The following PDE11A variants were observed in gnomAD, a reference collection of about 807,000 sequenced individuals.
The protein encoded by PDE11A is phosphodiesterase 11A.
In PDE11A, 100 loss-of-function variants were observed where a neutral mutation model predicts 100.5. The observed-to-expected ratio is 1.00, with a 90% CI of 0.85 to 1.18. The LOEUF (loss-of-function observed/expected upper bound fraction) is 1.18, where lower values mean the gene tolerates loss of function less well. Among genes scored for constraint, PDE11A ranks in the 50% most tolerant of loss-of-function variants. PDE11A has a pLI of 0.00. For synonymous variants in PDE11A, 381 were observed against 420.8 expected, an observed-to-expected ratio of 0.91 and a Z score of 1.16; for missense variants, 1,141 against 1,152.6, an observed-to-expected ratio of 0.99 and a Z score of 0.15.
rs143305000 is a variant in PDE11A at position 177,662,132 on chromosome 2, A to G, written c.2646+1734T>C. Among the ~76,000 whole-genome samples the G allele has an allele frequency of 2.8e-3, 422 of 152,334 alleles. 1 individual carries two copies. Among genetic ancestry groups the G allele is most frequent in the Middle Eastern group, 0.01 (3 of 294 alleles). ...TTAAATTCAAGTAACTTCCTTTGTA[A>G]CCTAAAGATTTCAAAGCATTTAATA... On this transcript the variant is annotated intron_variant, in intron 19 of 19. Coordinates refer to ENST00000286063, the MANE Select transcript of PDE11A (RefSeq NM_016953.4).
In PDE11A at chr2:177,985,900, T is replaced by TA. The variant is rs918784803; in HGVS notation, c.1071+28401dup. ...ATGTTGCAGAAGGGTGGAATTGCCCTAAAAAACATAAGCCAAAGTGATCTT... is the reference window on the plus strand; with the variant it reads ...ATGTTGCAGAAGGGTGGAATTGCCCTAAAAAAACATAAGCCAAAGTGATCTT... On this transcript the variant is annotated intron_variant, in intron 2 of 19. Coordinates refer to ENST00000286063, the MANE Select transcript of PDE11A (RefSeq NM_016953.4). Among the ~76,000 whole-genome samples, 43 of 152,338 alleles carry TA rather than the reference T, an allele frequency of 2.8e-4. No individual in the cohort carries two copies. In the South Asian group the frequency reaches 4.1e-3, roughly 15 times the overall value.
intron 1 of PDE11A, among the ~76,000 whole-genome samples, chr2:178,069,779 C>A (rs2087101383): frequency 6.6e-6 from 1 of 151,994 alleles, no homozygotes; most frequent in Non-Finnish European, 1.5e-5. Flanking sequence ...GTTGAAGAGG[C>A]TAAGAATTAT....
chr2:177,697,224 A>G, intron 15 of PDE11A, 108 bp downstream of exon 15: 1 of 730,710 alleles, frequency 1.4e-6, no homozygotes, highest in Admixed American at 1.8e-5. Flanking sequence ...TAGCTGGTTT[A>G]CACATTGATA....
chr2:177,758,164 G>A (rs1479275789), intron 10 of PDE11A, among the ~76,000 whole-genome samples: 1 of 151,426 alleles, frequency 6.6e-6, no homozygotes, highest in Non-Finnish European at 1.5e-5. Flanking sequence ...AGGCATGGTG[G>A]CAGGCGCCTG....
At chr2:177,869,710 C>T (rs2084095862) in intron 5 of PDE11A, among the ~76,000 whole-genome samples, 1 of 152,050 alleles carries the variant, frequency 6.6e-6, no homozygotes, top group Non-Finnish European at 1.5e-5. Context: ...CATTCTGCCT[C>T]CCACACTTAG....
intron 5 of PDE11A, among the ~76,000 whole-genome samples, chr2:177,855,578 G>A (rs918269062): frequency 6.6e-6 from 1 of 152,010 alleles, no homozygotes; most frequent in African/African-American, 2.4e-5. Flanking sequence ...GGAAGAATGA[G>A]TTTGGAACTC....
intron 2 of PDE11A, among the ~76,000 whole-genome samples, chr2:177,922,241 T>G (rs1489456990): frequency 2.8e-4 from 43 of 152,094 alleles, no homozygotes; most frequent in Non-Finnish European, 2.8e-4. Context: ...CCAAGATCTG[T>G]GTGTATCCAA....
At chr2:178,091,370 C>T (rs62176004) in intron 2 of PDE11A, among the ~76,000 whole-genome samples, 1,569 of 152,214 alleles carry the variant, frequency 0.01, 41 homozygotes, top group Non-Finnish European at 1.0e-2. Context: ...TGCACCTAGC[C>T]CACTAATATC....
intron 4 of PDE11A, among the ~76,000 whole-genome samples, chr2:177,876,279 G>GTCTTGAATTCCTCACCCCAGATGA (rs1231630039): frequency 6.6e-6 from 1 of 150,536 alleles, no homozygotes; most frequent in African/African-American, 2.5e-5. Flanking sequence ...AAGAGACCCA[G>GTCTTGAATTCCTCACCCCAGATGA]GTAGGGACAG....
intron 9 of PDE11A, among the ~76,000 whole-genome samples, chr2:177,814,914 T>G (rs1946813): frequency 0.41 from 61,649 of 151,946 alleles, 14,333 homozygotes; most frequent in African/African-American, 0.64. Context: ...CCATTCATGC[T>G]GCAACGCAGT....
At position 177,624,721 on chromosome 2, in the gene PDE11A, C is replaced by T. The variant is rs752018016; in HGVS notation, c.*4686G>A. On this transcript the variant is annotated 3_prime_UTR_variant, in exon 20 of 20. Transcript: ENST00000286063. ...AAATTCACTTCTAAATTAATGACTA[C>T]CATTTATGGGATATGTGTGATATCA... is the stretch of plus-strand genomic sequence containing the variant. The T allele has an allele frequency of 1.3e-4, 20 of 152,122 alleles. No individual in the cohort carries two copies. Among genetic ancestry groups the T allele is most frequent in the Non-Finnish European group, 2.1e-4 (14 of 68,020 alleles). The allele number at this position is 152,122 out of a possible 1,614,324, so 9.4% of individuals were successfully genotyped here.
intron 9 of PDE11A, among the ~76,000 whole-genome samples, chr2:177,785,459 G>A (rs1028568477): frequency 5.3e-5 from 8 of 152,366 alleles, no homozygotes; most frequent in Middle Eastern, 3.4e-3. Flanking sequence ...CATGAGCGAC[G>A]CAGAAGACGG....
chr2:177,899,125 TG>T (rs1237877971), intron 3 of PDE11A, among the ~76,000 whole-genome samples: 4 of 152,162 alleles, frequency 2.6e-5, no homozygotes, highest in African/African-American at 9.6e-5. Context: ...CCCAATATTT[TG>T]GCCGGGCGCA....
chr2:177,918,375 A>C (rs1209204827), intron 2 of PDE11A, among the ~76,000 whole-genome samples: 1 of 152,158 alleles, frequency 6.6e-6, no homozygotes, highest in Non-Finnish European at 1.5e-5. Flanking sequence ...CTTTCTCTTC[A>C]TGGTTCAGCT....
intron 10 of PDE11A, among the ~76,000 whole-genome samples, chr2:177,737,150 G>C (rs2081797163): frequency 6.6e-6 from 1 of 152,182 alleles, no homozygotes; most frequent in South Asian, 2.1e-4. Flanking sequence ...TGAGGCAGGA[G>C]AATCGCTTTA....
At chr2:177,852,118 A>G (rs975364800) in intron 5 of PDE11A, among the ~76,000 whole-genome samples, 1 of 152,152 alleles carries the variant, frequency 6.6e-6, no homozygotes, top group African/African-American at 2.4e-5. Context: ...CAAAGTTGCC[A>G]TTTTCAAGAT....
At chr2:177,840,424 C>A (rs751447437) in intron 5 of PDE11A, 41 bp from the exon 6 acceptor site, 4 of 1,600,840 alleles carry the variant, frequency 2.5e-6, no homozygotes, top group African/African-American at 2.7e-5. Context: ...AAGAGAGAAA[C>A]GTAAGTTTTC....
chr2:177,687,436 A>T (rs77893596), intron 15 of PDE11A: 5,872 of 152,282 alleles, frequency 0.039, 165 homozygotes, highest in African/African-American at 0.078. Context: ...TAGTGTATGT[A>T]TTCTCTGGCA....
At chr2:178,019,701 A>C (rs993642553) in intron 1 of PDE11A, among the ~76,000 whole-genome samples, 3 of 152,182 alleles carry the variant, frequency 2.0e-5, no homozygotes, top group African/African-American at 7.2e-5. Flanking sequence ...AAAGGCAATG[A>C]GGGTAAAGAG....
Sources: allele counts gnomAD v4.1 joint callset (sites outside exome capture counted in the v4.1 genomes callset), GRCh38; gene constraint gnomAD v4.1.1; transcripts MANE v1.5; gene names NCBI Gene and HGNC (gene_info 2026-07-23, HGNC 2026-07-21).